Variants in CD44 observed in about 807,000 individuals in gnomAD.
CD44 encodes CD44 antigen.
In CD44, 49 loss-of-function variants were observed where a neutral mutation model predicts 88.8. That is an observed-to-expected ratio of 0.55 (90% CI 0.44 to 0.70). The LOEUF (loss-of-function observed/expected upper bound fraction) is 0.70, where lower values mean the gene tolerates loss of function less well. Ranked by LOEUF, CD44 falls within the 30% of genes least tolerant of loss-of-function variation. The pLI is 0.00. For missense variants in CD44, 883 were observed against 913.8 expected, an observed-to-expected ratio of 0.97 and a Z score of 0.43; for synonymous variants, 325 against 312.3, an observed-to-expected ratio of 1.04 and a Z score of -0.43.
At chr11:35,223,206 T>C (rs1949444333) in intron 17 of CD44, 4 of 985,254 alleles carry the variant, frequency 4.1e-6, no homozygotes, top group Non-Finnish European at 4.8e-6. Context: ...AGATTTTTTT[T>C]AGTTGAATTT....
chr11:35,176,948 G>C lies in CD44; in HGVS notation c.233+208G>C, dbSNP rs1944523632. The C allele has an allele frequency of 9.5e-6, 5 of 527,820 alleles. No individual in the cohort carries two copies. The Admixed American group carries it at 1.5e-4, about 15-fold the overall frequency. 32.7% of individuals were successfully genotyped at this position (527,820 alleles called of 1,614,324 possible). A position where few individuals can be genotyped will look rare whatever the true frequency, so the allele number is the denominator to read the frequency against. ...AAGACACCTTTGTGAATCATAGAGC[G>C]GGAACCCAGAGGAAGCCATTAGGGG... On this transcript the variant is annotated intron_variant, in intron 2 of 17. Transcript: ENST00000428726.
At chr11:35,141,675 C>T (rs781075509) in intron 1 of CD44, among the ~76,000 whole-genome samples, 1 of 152,208 alleles carries the variant, frequency 6.6e-6, no homozygotes, top group Non-Finnish European at 1.5e-5. Flanking sequence ...CAGTCTCCCT[C>T]CTGCCCCGTG....
At chr11:35,159,757 A>G (rs1467745621) in intron 1 of CD44, among the ~76,000 whole-genome samples, 2 of 152,230 alleles carry the variant, frequency 1.3e-5, no homozygotes, top group African/African-American at 4.8e-5. Flanking sequence ...AAGCGGACGT[A>G]ACCTGCCTGA....
intron 5 of CD44, among the ~76,000 whole-genome samples, chr11:35,196,220 A>C (rs552601796): frequency 6.6e-6 from 1 of 152,312 alleles, no homozygotes; most frequent in African/African-American, 2.4e-5. Context: ...CTTCCTGACT[A>C]TGGGAAACAT....
In CD44 at chr11:35,231,271, C is replaced by T. The variant is rs1454407048; in HGVS notation, c.*1938C>T. ...GTGCCTCTTGTTTTCCCAGAGATTT[C>T]CTGGGTCTGCCAGAGGCCCAGACAG... On this transcript the variant is annotated 3_prime_UTR_variant, in exon 18 of 18. Transcript: ENST00000428726. The T allele has an allele frequency of 6.6e-6, 1 of 152,272 alleles. No individual in the cohort carries two copies. The highest frequency in any genetic ancestry group is 6.5e-5 in the Admixed American group (1 of 15,280). 9.4% of individuals were successfully genotyped at this position (152,272 alleles called of 1,614,324 possible).
At chr11:35,203,925 G>T (rs1016484053) in intron 9 of CD44, among the ~76,000 whole-genome samples, 1 of 152,176 alleles carries the variant, frequency 6.6e-6, no homozygotes, top group African/African-American at 2.4e-5. Flanking sequence ...GTTAAAAAGT[G>T]ATTTTAGCAA....
intron 1 of CD44, among the ~76,000 whole-genome samples, chr11:35,143,008 A>T (rs1409709917): frequency 6.6e-6 from 1 of 151,826 alleles, no homozygotes; most frequent in Non-Finnish European, 1.5e-5. Context: ...GGGAGCCTCA[A>T]CCCCACCCCC....
intron 1 of CD44, among the ~76,000 whole-genome samples, chr11:35,148,152 T>A (rs1386820801): frequency 6.6e-6 from 1 of 151,804 alleles, no homozygotes; most frequent in Non-Finnish European, 1.5e-5. Flanking sequence ...CCTGGTCTCC[T>A]GCGTTTGGCT....
At chr11:35,202,125 G>C (rs1272188999) in intron 9 of CD44, among the ~76,000 whole-genome samples, 3 of 152,204 alleles carry the variant, frequency 2.0e-5, no homozygotes, top group Non-Finnish European at 4.4e-5. Context: ...CTTAGTAGTG[G>C]AATCTGGAAA....
chr11:35,152,518 T>A (rs986607953), intron 1 of CD44, among the ~76,000 whole-genome samples: 2 of 152,192 alleles, frequency 1.3e-5, no homozygotes, highest in Admixed American at 1.3e-4. Context: ...GGGATAATAA[T>A]CCCTCTGCCT....
At chr11:35,202,779 C>A (rs1272487821) in intron 9 of CD44, among the ~76,000 whole-genome samples, 1 of 152,110 alleles carries the variant, frequency 6.6e-6, no homozygotes, top group Non-Finnish European at 1.5e-5. Flanking sequence ...TTACAAACCC[C>A]AGTAGGTGTG....
intron 1 of CD44, among the ~76,000 whole-genome samples, chr11:35,144,838 T>C (rs571266266): frequency 6.6e-6 from 1 of 152,378 alleles, no homozygotes; most frequent in Admixed American, 6.5e-5. Context: ...AAAAATGCTT[T>C]TTGCATAAAG....
In CD44 at chr11:35,198,259, A is replaced by G; in HGVS notation, c.922+13A>G. 1 of 1,613,074 alleles carries G rather than the reference A, an allele frequency of 6.2e-7. No homozygotes were observed. The highest frequency in any genetic ancestry group is 8.5e-7 in the Non-Finnish European group (1 of 1,179,244). The stretch of plus-strand genomic sequence containing the variant: ...ATCTCCAGCACCAGTAAGAATAATC[A>G]ATTACAGTACAGCCATTTATGCAAG... On this transcript the variant is annotated intron_variant, in intron 7 of 17. Transcript: ENST00000428726.
At chr11:35,156,279 T>C (rs1253886378) in intron 1 of CD44, among the ~76,000 whole-genome samples, 1 of 152,174 alleles carries the variant, frequency 6.6e-6, no homozygotes, top group Admixed American at 6.5e-5. Context: ...CACAGTTAGC[T>C]CATGAATCCA....
chr11:35,229,698 A>T lies in CD44; in HGVS notation c.*365A>T, dbSNP rs1358658380. 2 of 224,354 alleles carry T rather than the reference A, an allele frequency of 8.9e-6. No individual in the cohort carries two copies. Among genetic ancestry groups the T allele is most frequent in the Non-Finnish European group, 1.8e-5 (2 of 111,380 alleles). The allele number at this position is 224,354 out of a possible 1,614,324, so 13.9% of individuals were successfully genotyped here. ...CAGCTAAGGACATTTCCCAGGGTTA[A>T]TAGGGCCTGGTCCCTGGGAGGAAAT... On this transcript the variant is annotated 3_prime_UTR_variant, in exon 18 of 18. Transcript: ENST00000428726.
intron 17 of CD44, chr11:35,222,822 A>G: frequency 1.0e-6 from 1 of 985,130 alleles, no homozygotes; most frequent in African/African-American, 1.7e-5. Context: ...CATAAGGTAA[A>G]AGAAACTTAT....
In CD44 at chr11:35,211,347, A is replaced by C. The variant is rs745806988; in HGVS notation, c.1708A>C (p.Ser570Arg). Residue 570 changes from serine (S) to arginine (R), a missense_variant, in exon 14 of 18, where the codon AGC (serine) becomes CGC (arginine). Physicochemically the swap from Ser to Arg is moderately radical, Grantham distance 110. Around this residue, in one of 2 missense-constraint regions of CD44, gnomAD observed 631 missense variants for 590.9 expected, o/e 1.07. Coordinates refer to ENST00000428726, the MANE Select transcript of CD44 (RefSeq NM_000610.4). The stretch of plus-strand genomic sequence containing the variant: ...CTCTCATTACCCACACACGAAGGAA[A>C]GCAGGACCTTCATCCCAGTGACCTC... Reference protein sequence around the residue: ...YTSHYPHTKESRTFIPVTSAK... With the variant: ...YTSHYPHTKERRTFIPVTSAK... The C allele has an allele frequency of 2.5e-5, 41 of 1,613,912 alleles. No individual in the cohort carries two copies. In the African/African-American group the frequency reaches 5.5e-4, roughly 22 times the overall value.
chr11:35,175,522 A>T (rs959868421), intron 1 of CD44, among the ~76,000 whole-genome samples: 2 of 152,228 alleles, frequency 1.3e-5, no homozygotes, highest in African/African-American at 2.4e-5. Flanking sequence ...ACGTGTGTGC[A>T]TGTGTGCACG....
intron 17 of CD44, among the ~76,000 whole-genome samples, 199 bp downstream of exon 17, chr11:35,221,931 T>C (rs56014592): frequency 5.6e-4 from 85 of 152,322 alleles, no homozygotes; most frequent in African/African-American, 1.6e-3. Context: ...CAGGGATTCA[T>C]GTGCATGGTG....
Sources: gnomAD v4.1 joint callset for allele counts (sites outside exome capture counted in the v4.1 genomes callset) on GRCh38, gnomAD v4.1.1 for gene constraint, gnomAD v4.1.1 regional missense constraint, MANE v1.5 for transcripts, NCBI Gene and HGNC (gene_info 2026-07-23, HGNC 2026-07-21) for gene names.